EPB41L3: variants seen among roughly 807,000 people sequenced by gnomAD.
EPB41L3 encodes erythrocyte membrane protein band 4.1 like 3.
Under a neutral mutation model 127.1 loss-of-function variants are expected in EPB41L3, and 57 were observed. The observed-to-expected ratio is 0.45, with a 90% confidence interval of 0.36 to 0.56. EPB41L3 has a LOEUF of 0.56. Among genes scored for constraint, EPB41L3 ranks in the 20% least tolerant of loss-of-function variants. The pLI is 0.00. For synonymous variants in EPB41L3, 572 were observed against 549.5 expected (o/e 1.04, Z -0.57); for missense variants, 1,273 against 1,372.2 (o/e 0.93, Z 1.14).
intron 5 of EPB41L3, among the ~76,000 whole-genome samples, chr18:5,438,424 C>A (rs1299578025): frequency 6.6e-6 from 1 of 152,208 alleles, no homozygotes; most frequent in Non-Finnish European, 1.5e-5. Flanking sequence ...CACGAATAAT[C>A]TTCAATCAGA....
rs185800358 is a variant in EPB41L3 at position 5,617,609 on chromosome 18, C to T, written c.-467-3186G>A. Among the ~76,000 whole-genome samples the T allele has an allele frequency of 3.7e-3, 561 of 152,286 alleles. 3 individuals carry two copies. Among genetic ancestry groups the T allele is most frequent in the Middle Eastern group, 6.8e-3 (2 of 294 alleles). ...CTGGGATTACAGGCGTGAGCCACCG[C>T]GCCCGGCCCAAGTCATTCTATTTTT... On this transcript the variant is annotated intron_variant, in intron 1 of 21. Coordinates refer to the EPB41L3 transcript ENST00000545076.
intron 1 of EPB41L3, among the ~76,000 whole-genome samples, chr18:5,511,910 C>T (rs1180011756): frequency 6.6e-6 from 1 of 152,226 alleles, no homozygotes; most frequent in Non-Finnish European, 1.5e-5. Context: ...GGTACAGATT[C>T]GCAGTTTCAA....
chr18:5,416,144 T>C lies in EPB41L3; in HGVS notation c.1741A>G (p.Lys581Glu), dbSNP rs768404272. 6.2e-6 allele frequency: 10 copies of C among 1,613,780 alleles called. No homozygotes were observed. The Admixed American group carries it at 1.7e-4, about 27-fold the overall frequency. The change falls in exon 13 of 23, where the codon AAG (lysine) becomes GAG (glutamate). Residue 581 changes from lysine to glutamate, a missense_variant. Lys to Glu is a moderately conservative substitution (Grantham distance 56). This residue lies in a region of EPB41L3 where 765 missense variants were observed against 782.9 expected (regional missense o/e 0.98). Coordinates refer to ENST00000341928, the MANE Select transcript of EPB41L3 (RefSeq NM_012307.5). ...VAFSYRQQTGKGTTLFSFSLQ... is the reference protein window; with the variant it reads ...VAFSYRQQTGEGTTLFSFSLQ... ...GAGAAGGAGAACAGGGTGGTCCCCT[T>C]GCCAGTTTGCTGTCTGTAGCTAAAA...
chr18:5,419,163 C>T (rs1051715949), intron 12 of EPB41L3, among the ~76,000 whole-genome samples: 2 of 152,178 alleles, frequency 1.3e-5, no homozygotes, highest in Non-Finnish European at 2.9e-5. Flanking sequence ...GAAGCTGCTG[C>T]CAAATTCCCT....
chr18:5,445,775 T>A (rs944768918), intron 3 of EPB41L3, among the ~76,000 whole-genome samples: 4 of 152,178 alleles, frequency 2.6e-5, no homozygotes, highest in African/African-American at 9.7e-5. Context: ...CAACCTGAGC[T>A]CCGCCTCCTG....
chr18:5,394,126 A>C (rs2072903308), intron 22 of EPB41L3: 1 of 152,850 alleles, frequency 6.5e-6, no homozygotes, highest in Non-Finnish European at 1.5e-5. Context: ...TAAGACATCC[A>C]AAAAGAAAGT....
At chr18:5,448,294 A>T (rs1687142818) in intron 3 of EPB41L3, among the ~76,000 whole-genome samples, 1 of 152,146 alleles carries the variant, frequency 6.6e-6, no homozygotes, top group Admixed American at 6.5e-5. Context: ...ATGACATGAA[A>T]CTTATTTTCC....
chr18:5,520,557 TAAA>T (rs11339935), intron 1 of EPB41L3, among the ~76,000 whole-genome samples: 7 of 105,176 alleles, frequency 6.7e-5, no homozygotes, highest in Non-Finnish European at 6.2e-5. Context: ...TTTCCCAAAA[TAAA>T]AAAAAAAAAA....
intron 1 of EPB41L3, among the ~76,000 whole-genome samples, chr18:5,523,873 TA>T (rs916288892): frequency 8.6e-5 from 13 of 151,756 alleles, no homozygotes; most frequent in Non-Finnish European, 1.6e-4. Context: ...AAACCTTTTT[TA>T]AAAAAAAATT....
rs983067488 is a variant in EPB41L3, at chr18:5,415,999, G to A, written c.1886C>T (p.Ser629Leu). 2.5e-6 allele frequency: 4 copies of A among 1,614,172 alleles called. No individual in the cohort carries two copies. Among genetic ancestry groups the A allele is most frequent in the Non-Finnish European group, 3.4e-6 (4 of 1,180,022 alleles). Residue 629 changes from serine (S) to leucine (L), a missense_variant, in exon 13 of 23, where the codon TCA becomes TTA. Physicochemically the swap from Ser to Leu is moderately radical, Grantham distance 145. Transcript: ENST00000341928. ...GAGGAAACAGGGCACAAGGGACGGT[G>A]AGCGGATCGGGAGGTAATGCTGCAA... The part of the protein sequence containing the change: ...QSLQHYLPIR[S>L]PSLVPCFLFI...
At chr18:5,419,898 T>C in intron 11 of EPB41L3, 21 bp from the exon 12 acceptor site, 1 of 1,614,104 alleles carries the variant, frequency 6.2e-7, no homozygotes, top group Non-Finnish European at 8.5e-7. Context: ...CATAGAATCC[T>C]TCATGTATAT....
intron 8 of EPB41L3, among the ~76,000 whole-genome samples, chr18:5,430,245 G>A (rs2078806988): frequency 6.6e-6 from 1 of 152,092 alleles, no homozygotes; most frequent in South Asian, 2.1e-4. Context: ...GTTATCTCTA[G>A]TACACCCTTA....
intron 3 of EPB41L3, among the ~76,000 whole-genome samples, chr18:5,568,675 T>TTGGCATCCAG (rs2094239706): frequency 1.3e-5 from 2 of 152,178 alleles, no homozygotes; most frequent in African/African-American, 4.8e-5. Flanking sequence ...GGCATCCTCC[T>TTGGCATCCAG]AGCAATAGAT....
At chr18:5,589,489 CAT>C (rs1367837122) in intron 3 of EPB41L3, among the ~76,000 whole-genome samples, 4 of 152,102 alleles carry the variant, frequency 2.6e-5, no homozygotes, top group Admixed American at 2.6e-4. Flanking sequence ...GGCTATAAAA[CAT>C]ATGAAGATAT....
intron 9 of EPB41L3, among the ~76,000 whole-genome samples, chr18:5,427,550 T>C (rs1041645008): frequency 1.3e-5 from 2 of 152,188 alleles, no homozygotes; most frequent in South Asian, 2.1e-4. Flanking sequence ...CTATAGAACA[T>C]TGATATAATT....
chr18:5,535,970 C>G (rs560401261), intron 1 of EPB41L3, among the ~76,000 whole-genome samples: 1 of 152,170 alleles, frequency 6.6e-6, no homozygotes, highest in South Asian at 2.1e-4. Flanking sequence ...TATCCCAGAC[C>G]CTGGATATTT....
At chr18:5,558,770 G>A (rs1452111551) in intron 3 of EPB41L3, among the ~76,000 whole-genome samples, 1 of 152,082 alleles carries the variant, frequency 6.6e-6, no homozygotes, top group Admixed American at 6.5e-5. Flanking sequence ...ACACATAGTA[G>A]GCACATACCA....
chr18:5,484,380 A>G (rs2089325165), intron 2 of EPB41L3, among the ~76,000 whole-genome samples: 1 of 151,804 alleles, frequency 6.6e-6, no homozygotes, highest in African/African-American at 2.4e-5. Context: ...ATAAACGTCT[A>G]TATCAAAAAA....
chr18:5,603,464 T>C (rs750328009), intron 3 of EPB41L3, among the ~76,000 whole-genome samples: 16 of 152,286 alleles, frequency 1.1e-4, no homozygotes, highest in Admixed American at 7.2e-4. Flanking sequence ...TTGACGGTCA[T>C]TGTACTTTTA....
Sources: gnomAD v4.1 joint callset for allele counts (sites outside exome capture counted in the v4.1 genomes callset) on GRCh38, gnomAD v4.1.1 for gene constraint, gnomAD v4.1.1 regional missense constraint, MANE v1.5 for transcripts, NCBI Gene and HGNC (gene_info 2026-07-23, HGNC 2026-07-21) for gene names.